PELI2: variants seen among roughly 807,000 people sequenced by gnomAD.
PELI2 encodes pellino E3 ubiquitin protein ligase family member 2.
In PELI2, 23 loss-of-function variants were observed where a neutral mutation model predicts 42.3. The ratio of observed to expected loss-of-function variants is 0.54; its 90% confidence interval spans 0.39 to 0.77. PELI2 has a LOEUF of 0.77. Among genes scored for constraint, PELI2 ranks in the 30% least tolerant of loss-of-function variants. The pLI, the probability that PELI2 is intolerant of heterozygous loss-of-function variation, is 0.00. For missense variants in PELI2, 463 were observed against 553.2 expected (o/e 0.84, Z 1.64); for synonymous variants, 245 against 212.2 (o/e 1.15, Z -1.34).
At chr14:56,226,125 C>G (rs1887345953) in intron 2 of PELI2, among the ~76,000 whole-genome samples, 1 of 152,106 alleles carries the variant, frequency 6.6e-6, no homozygotes. Flanking sequence ...GCCTGAGTCG[C>G]TCTCATAGTT....
At chr14:56,293,523 G>A (rs996137230) in intron 5 of PELI2, among the ~76,000 whole-genome samples, 2 of 138,216 alleles carry the variant, frequency 1.4e-5, no homozygotes, top group Non-Finnish European at 3.2e-5. Flanking sequence ...AAATTCAGTA[G>A]CTGGAAAGGA....
At position 56,197,526 on chromosome 14, in the gene PELI2, G is replaced by A. The variant is rs967099276; in HGVS notation, c.207+19062G>A. On this transcript the variant is annotated intron_variant, in intron 2 of 5. Coordinates refer to ENST00000267460, the MANE Select transcript of PELI2 (RefSeq NM_021255.3). The surrounding 1 kb of genome is among the most constrained non-coding windows in gnomAD (Gnocchi z 4.9). ...AAGCGGGTGTTCTGGCTTTGATATG[G>A]AAGGAAAGGATGGAAGCACAGAGAC... is the stretch of plus-strand genomic sequence containing the variant. Among the ~76,000 whole-genome samples, 16 of 152,224 alleles carry A rather than the reference G, an allele frequency of 1.1e-4. No individual in the cohort carries two copies. Among genetic ancestry groups the A allele is most frequent in the African/African-American group, 3.6e-4 (15 of 41,530 alleles).
intron 3 of PELI2, among the ~76,000 whole-genome samples, chr14:56,286,684 T>A (rs1246660802): frequency 2.0e-5 from 3 of 152,222 alleles, no homozygotes; most frequent in Non-Finnish European, 4.4e-5. Flanking sequence ...AGGCTGCAAG[T>A]TTTCCACATT....
intron 2 of PELI2, among the ~76,000 whole-genome samples, chr14:56,241,303 G>T (rs1183766212): frequency 1.3e-5 from 2 of 152,090 alleles, no homozygotes; most frequent in Admixed American, 6.5e-5. Context: ...CCCTCAAAAA[G>T]TAGAACAATT....
At chr14:56,249,306 C>G (rs1255527215) in intron 2 of PELI2, among the ~76,000 whole-genome samples, 1 of 152,174 alleles carries the variant, frequency 6.6e-6, no homozygotes, top group African/African-American at 2.4e-5. Flanking sequence ...TTCCCTCTTT[C>G]ATTTAACATC....
At chr14:56,213,659 G>T (rs1886790370) in intron 2 of PELI2, among the ~76,000 whole-genome samples, 5 of 152,176 alleles carry the variant, frequency 3.3e-5, no homozygotes, top group Non-Finnish European at 5.9e-5. Context: ...TGGGGGTGAG[G>T]TTAATAAGCC....
intron 2 of PELI2, among the ~76,000 whole-genome samples, chr14:56,279,171 A>C (rs1195170083): frequency 6.6e-6 from 1 of 152,238 alleles, no homozygotes; most frequent in East Asian, 1.9e-4. Flanking sequence ...AAATATGGTT[A>C]TCATTGGCTA....
At chr14:56,224,033 C>T (rs1887251626) in intron 2 of PELI2, among the ~76,000 whole-genome samples, 1 of 152,128 alleles carries the variant, frequency 6.6e-6, no homozygotes, top group African/African-American at 2.4e-5. Context: ...AGTATAAATT[C>T]ATCTTATGTG....
chr14:56,168,188 A>G (rs1469266319), intron 1 of PELI2, among the ~76,000 whole-genome samples: 1 of 151,852 alleles, frequency 6.6e-6, no homozygotes, highest in Non-Finnish European at 1.5e-5. Flanking sequence ...GCCTATGTTC[A>G]CTCAAGGCTC....
intron 2 of PELI2, among the ~76,000 whole-genome samples, chr14:56,185,758 T>A (rs1176576847): frequency 1.3e-5 from 2 of 152,200 alleles, no homozygotes; most frequent in Non-Finnish European, 2.9e-5. Context: ...TAGTTTCATC[T>A]TTTCAAGGAC....
intron 1 of PELI2, among the ~76,000 whole-genome samples, chr14:56,168,900 G>T (rs1020240707): frequency 1.3e-5 from 2 of 151,794 alleles, no homozygotes; most frequent in Non-Finnish European, 2.9e-5. Context: ...GATGAATTCT[G>T]GCAGGACTGG....
chr14:56,205,757 C>T (rs1489442969), intron 2 of PELI2, among the ~76,000 whole-genome samples: 2 of 152,258 alleles, frequency 1.3e-5, no homozygotes, highest in South Asian at 2.1e-4. Flanking sequence ...GACCTCTGAT[C>T]GCTTTGAGGG....
At chr14:56,202,522 G>C (rs1023004475) in intron 2 of PELI2, among the ~76,000 whole-genome samples, 2 of 152,060 alleles carry the variant, frequency 1.3e-5, no homozygotes, top group Non-Finnish European at 2.9e-5. Flanking sequence ...CTCCAGGTCT[G>C]CTCACAGCCG....
At chr14:56,201,032 A>G (rs1361406476) in intron 2 of PELI2, among the ~76,000 whole-genome samples, 8 of 152,240 alleles carry the variant, frequency 5.3e-5, no homozygotes, top group African/African-American at 2.4e-5. Flanking sequence ...AATTAAAAAA[A>G]CATTAAACTT....
intron 2 of PELI2, among the ~76,000 whole-genome samples, chr14:56,245,863 A>T (rs2139804245): frequency 6.6e-6 from 1 of 152,332 alleles, no homozygotes; most frequent in East Asian, 1.9e-4. Flanking sequence ...TCTAGAGATG[A>T]TTTAAAGTAT....
In PELI2 at chr14:56,169,288, C is replaced by T. The variant is rs190526841; in HGVS notation, c.78-9047C>T. On this transcript the variant is annotated intron_variant, in intron 1 of 5. Transcript: ENST00000267460. ...GACTCACCTAAGAGATGCAGTCCTT[C>T]TGGCCTCGACTGCCCTCCAAGTTTA... Among the ~76,000 whole-genome samples, 8 of 152,312 alleles carry T rather than the reference C, an allele frequency of 5.3e-5. No homozygotes were observed. In the East Asian group the frequency reaches 1.4e-3, roughly 26 times the overall value.
chr14:56,156,842 A>T (rs1039281939), intron 1 of PELI2, among the ~76,000 whole-genome samples: 2 of 152,240 alleles, frequency 1.3e-5, no homozygotes, highest in East Asian at 3.8e-4. Flanking sequence ...GGTCATTTGT[A>T]GCTCTCAAAC....
At chr14:56,209,492 CTTCCAGTAAATTGT>C (rs1886639134) in intron 2 of PELI2, among the ~76,000 whole-genome samples, 1 of 152,110 alleles carries the variant, frequency 6.6e-6, no homozygotes, top group South Asian at 2.1e-4. Context: ...CAACATCACT[CTTCCAGTAAATTGT>C]TTTCATTTTG....
intron 2 of PELI2, among the ~76,000 whole-genome samples, chr14:56,195,263 T>A (rs971669540): frequency 6.6e-6 from 1 of 152,228 alleles, no homozygotes; most frequent in Non-Finnish European, 1.5e-5. Flanking sequence ...CTCTTGTGGC[T>A]CAGTCTCTAC....
Sources: gnomAD v4.1 joint callset for allele counts (sites outside exome capture counted in the v4.1 genomes callset) on GRCh38, gnomAD v4.1.1 for gene constraint, Gnocchi (gnomAD v3.1) non-coding constraint, MANE v1.5 for transcripts, NCBI Gene and HGNC (gene_info 2026-07-23, HGNC 2026-07-21) for gene names.